The following ACAA1 variants were observed in gnomAD, a reference collection of about 807,000 sequenced individuals.
The protein encoded by ACAA1 is acetyl-CoA acyltransferase 1.
In ACAA1, 44 loss-of-function variants were observed where a neutral mutation model predicts 48.8. That is an observed-to-expected ratio of 0.90 (90% CI 0.71 to 1.16). The LOEUF (loss-of-function observed/expected upper bound fraction) is 1.16, where lower values mean the gene tolerates loss of function less well. Ranked by LOEUF, ACAA1 falls within the 50% of genes most tolerant of loss-of-function variation. ACAA1 has a pLI of 0.00. For missense variants in ACAA1, 512 were observed against 562.3 expected (o/e 0.91, Z 0.90); for synonymous variants, 233 against 226.5 (o/e 1.03, Z -0.26).
intron 6 of ACAA1, among the ~76,000 whole-genome samples, chr3:38,128,847 TC>T (rs540517962): frequency 6.6e-4 from 100 of 152,238 alleles, no homozygotes; most frequent in African/African-American, 2.2e-3. Context: ...CATCTCGGCC[TC>T]CCAAAGTGCT....
rs61095322 is a variant in ACAA1, at chr3:38,126,634, A to C, written c.693T>G (p.His231Gln). The C allele has an allele frequency of 0.046, 74,749 of 1,614,076 alleles. 1,975 individuals are homozygous for C. The highest frequency in any genetic ancestry group is 0.11 in the Middle Eastern group (659 of 6,060). The change falls in exon 8 of 12, where the codon CAT (histidine) becomes CAG (glutamine). Residue 231 changes from histidine (H) to glutamine (Q), a missense_variant. By Grantham distance (24) the His-to-Gln change is conservative (BLOSUM62 0). Transcript: ENST00000333167. This position sits in a 1 kb window ranked among gnomAD's most constrained non-coding sequence, Gnocchi z 4.7. ...AEIVPVTTTVHDDKGTKRSIT... is the reference protein window; with the variant it reads ...AEIVPVTTTVQDDKGTKRSIT... ...TGCTCCTCTTGGTGCCCTTGTCATC[A>C]TGGACCGTGGTGGTCACAGGCACAA...
chr3:38,137,069 C>T lies in ACAA1; in HGVS notation c.-34G>A, dbSNP rs1260822223. 4.7e-6 allele frequency: 7 copies of T among 1,501,556 alleles called. No individual in the cohort carries two copies. The highest frequency in any genetic ancestry group is 5.3e-6 in the Non-Finnish European group (6 of 1,126,308). 93.0% of individuals were successfully genotyped at this position (1,501,556 alleles called of 1,614,324 possible). A position where few individuals can be genotyped will look rare whatever the true frequency, so the allele number is the denominator to read the frequency against. On this transcript the variant is annotated 5_prime_UTR_variant, in exon 1 of 12. Coordinates refer to ENST00000333167, the MANE Select transcript of ACAA1 (RefSeq NM_001607.4). Reference sequence around the variant, plus strand: ...TCAACCCTGCAGACCAGCCACCAGTCCGGGAACTGACCGCGGAGTTAACAG... The same window carrying T: ...TCAACCCTGCAGACCAGCCACCAGTTCGGGAACTGACCGCGGAGTTAACAG...
Position 38,123,082 on chromosome 3 carries a change from C to G in ACAA1, c.1240G>C (p.Gly414Arg). The G allele has an allele frequency of 1.2e-6, 2 of 1,614,184 alleles. No individual in the cohort carries two copies. The highest frequency in any genetic ancestry group is 1.7e-6 in the Non-Finnish European group (2 of 1,180,048). ...GGGTATTCAAAGACGGCAGCGGCTC[C>G]CATTCCAGTCCCGATGCACATGGAC... is the stretch of plus-strand genomic sequence containing the variant. ...VVSMCIGTGM[G>R]AAAVFEYPGN The change falls in exon 12 of 12, where the codon GGA (glycine) becomes CGA (arginine). Residue 414 changes from glycine (G) to arginine (R), a missense_variant. Transcript: ENST00000333167.
rs898659541 is a variant in ACAA1, at chr3:38,122,721, C to A, written c.*326G>T. The A allele has an allele frequency of 5.9e-6, 8 of 1,365,526 alleles. No homozygotes were observed. The Admixed American group carries it at 8.9e-5, about 15-fold the overall frequency. 84.6% of individuals were successfully genotyped at this position (1,365,526 alleles called of 1,614,324 possible). ...AAAACCACAGCCACTAAGATAAATTCATGCACTTTTACTATGCCCATTGCA... is the reference window on the plus strand; with the variant it reads ...AAAACCACAGCCACTAAGATAAATTAATGCACTTTTACTATGCCCATTGCA... On this transcript the variant is annotated 3_prime_UTR_variant, in exon 12 of 12. Coordinates refer to ENST00000333167, the MANE Select transcript of ACAA1 (RefSeq NM_001607.4).
chr3:38,128,014 A>G (rs1700713229), intron 6 of ACAA1, 148 bp from the exon 7 acceptor site: 1 of 735,646 alleles, frequency 1.4e-6, no homozygotes, highest in East Asian at 2.6e-5. Context: ...GACAGTAGTG[A>G]TGACTCAGGA....
intron 1 of ACAA1, 41 bp from the exon 2 acceptor site, chr3:38,136,726 A>G (rs1303334669): frequency 6.4e-7 from 1 of 1,558,286 alleles, no homozygotes; most frequent in Non-Finnish European, 8.7e-7. Flanking sequence ...CCACTCCCCC[A>G]TGCCCACCCC....
At chr3:38,125,528 T>TC in intron 11 of ACAA1, 37 bp downstream of exon 11, 4 of 1,509,974 alleles carry the variant, frequency 2.6e-6, no homozygotes, top group Non-Finnish European at 3.5e-6. Context: ...AACTTGGATA[T>TC]CCCCCTATGA....
At chr3:38,135,661 G>C (rs752232510) in intron 2 of ACAA1, among the ~76,000 whole-genome samples, 1 of 152,074 alleles carries the variant, frequency 6.6e-6, no homozygotes, top group Non-Finnish European at 1.5e-5. Context: ...GCCATAAGGC[G>C]GTTTTCTCCT....
In ACAA1 at chr3:38,131,969, A is replaced by G. The variant is rs746285369; in HGVS notation, c.360T>C (p.Asn120=). 2 of 1,614,058 alleles carry G rather than the reference A, an allele frequency of 1.2e-6. No individual in the cohort carries two copies. The highest frequency in any genetic ancestry group is 1.7e-6 in the Non-Finnish European group (2 of 1,179,914). Residue 120 remains asparagine (N), a synonymous_variant, in exon 4 of 12, where the codon AAT becomes AAC. Transcript: ENST00000333167. ...IPETVPLSTV[N]RQCSSGLQAV... is the part of the protein sequence containing the mutation. ...CCTGTAGCCCCGACGAACACTGTCT[A>G]TTGACAGTGGACAAAGGCACAGTCT...
intron 11 of ACAA1, 53 bp from the exon 12 acceptor site, chr3:38,123,175 C>T: frequency 6.4e-7 from 1 of 1,559,666 alleles, no homozygotes; most frequent in Admixed American, 1.7e-5. Flanking sequence ...AAATTACCTC[C>T]AGACCAGGCT....
At position 38,126,188 on chromosome 3, in the gene ACAA1, G is replaced by A; in HGVS notation, c.971C>T (p.Ala324Val). ...TGCTTTTTGCAAAGCTACTGGGATGGCATAGGCAGGTCCAATGCCCATGAT... is the reference window on the plus strand; with the variant it reads ...TGCTTTTTGCAAAGCTACTGGGATGACATAGGCAGGTCCAATGCCCATGAT... The part of the protein sequence containing the change: ...PDIMGIGPAY[A>V]IPVALQKAGL... The change falls in exon 9 of 12, where the codon GCC (alanine) becomes GTC (valine). Residue 324 changes from alanine to valine, a missense_variant. Coordinates refer to ENST00000333167, the MANE Select transcript of ACAA1 (RefSeq NM_001607.4). This position sits in a 1 kb window ranked among gnomAD's most constrained non-coding sequence, Gnocchi z 4.7. 1.2e-6 allele frequency: 2 copies of A among 1,614,156 alleles called. No individual in the cohort carries two copies. Among genetic ancestry groups the A allele is most frequent in the Non-Finnish European group, 1.7e-6 (2 of 1,179,992 alleles).
rs372415749 is a variant in ACAA1 at position 38,136,822 on chromosome 3, C to A, written c.171+43G>T. On this transcript the variant is annotated intron_variant, in intron 1 of 11. Transcript: ENST00000333167. ...CATACGAACCGGACCCCAGCCCGCG[C>A]CGGCGTCTTCCCACACTCGGCGCCC... 10 of 1,488,380 alleles carry A rather than the reference C, an allele frequency of 6.7e-6. No individual in the cohort carries two copies. The South Asian group carries it at 1.1e-4, about 16-fold the overall frequency. 92.2% of individuals were successfully genotyped at this position (1,488,380 alleles called of 1,614,324 possible).
chr3:38,126,113 C>T lies in ACAA1; in HGVS notation c.997+49G>A. ...CCCCTGGCAACAGCATGCAGGGCAG[C>T]TGCAGGATCCAGGTGGGACCCAGAT... On this transcript the variant is annotated intron_variant, in intron 9 of 11. Transcript: ENST00000333167. This position sits in a 1 kb window ranked among gnomAD's most constrained non-coding sequence, Gnocchi z 4.7. 1 of 1,587,672 alleles carries T rather than the reference C, an allele frequency of 6.3e-7. No homozygotes were observed. The highest frequency in any genetic ancestry group is 1.1e-5 in the South Asian group (1 of 87,194).
Position 38,125,874 on chromosome 3 carries a change from T to C in ACAA1, c.1005A>G (p.Thr335=), listed in dbSNP as rs1433343046. Residue 335 remains threonine (T), a synonymous_variant, in exon 10 of 12, where the codon ACA becomes ACG. Coordinates refer to ENST00000333167, the MANE Select transcript of ACAA1 (RefSeq NM_001607.4). ...TCTCGAAGATGTCCACGTCACTCAC[T>C]GTCAGCCCTGCAGACAAGGTAAAGA... ...IPVALQKAGL[T]VSDVDIFEIN... is the part of the protein sequence containing the mutation. 1.2e-6 allele frequency: 2 copies of C among 1,614,070 alleles called. No homozygotes were observed. Among genetic ancestry groups the C allele is most frequent in the Non-Finnish European group, 1.7e-6 (2 of 1,180,032 alleles).
chr3:38,133,429 T>G (rs1182832568), intron 3 of ACAA1: 1 of 153,086 alleles, frequency 6.5e-6, no homozygotes, highest in Non-Finnish European at 1.5e-5. Flanking sequence ...TTTATGCATC[T>G]AGAAGTACAA....
intron 6 of ACAA1, among the ~76,000 whole-genome samples, chr3:38,128,546 C>T (rs2125766762): frequency 6.6e-6 from 1 of 152,330 alleles, no homozygotes; most frequent in South Asian, 2.1e-4. Flanking sequence ...GGGGATGGCC[C>T]AGAGGCTCAG....
At chr3:38,124,676 T>G (rs1410101654) in intron 11 of ACAA1, 1 of 147,344 alleles carries the variant, frequency 6.8e-6, no homozygotes, top group Non-Finnish European at 1.5e-5. Flanking sequence ...TTGAGAAATT[T>G]TATCTTTCAC....
chr3:38,126,239 TAAG>T lies in ACAA1; in HGVS notation c.917_919del (p.Ser306del). The stretch of plus-strand genomic sequence containing the variant: ...GTCAGGTGGGACCCCAACCACTGCA[TAAG>T]ACCTCAGGACCCCAAGGATGGGAAG... On this transcript the variant is annotated inframe_deletion, in exon 9 of 12. Coordinates refer to ENST00000333167, the MANE Select transcript of ACAA1 (RefSeq NM_001607.4). This position sits in a 1 kb window ranked among gnomAD's most constrained non-coding sequence, Gnocchi z 4.7. 2 of 1,614,156 alleles carry T rather than the reference TAAG, an allele frequency of 1.2e-6. No homozygotes were observed. Among genetic ancestry groups the T allele is most frequent in the Non-Finnish European group, 1.7e-6 (2 of 1,180,004 alleles).
intron 2 of ACAA1, chr3:38,134,588 T>C: frequency 2.2e-6 from 1 of 451,890 alleles, no homozygotes; most frequent in Non-Finnish European, 4.4e-6. Context: ...TTTGAGATGC[T>C]GTTAATCTGT....
Sources: allele counts gnomAD v4.1 joint callset (sites outside exome capture counted in the v4.1 genomes callset), GRCh38; gene constraint gnomAD v4.1.1; non-coding constraint Gnocchi (gnomAD v3.1); transcripts MANE v1.5; gene names NCBI Gene and HGNC (gene_info 2026-07-23, HGNC 2026-07-21).